The following SLC30A8 variants were observed in gnomAD, a reference collection of about 807,000 sequenced individuals.
SLC30A8 encodes proton-coupled zinc antiporter SLC30A8.
Under a neutral mutation model 36.9 loss-of-function variants are expected in SLC30A8, and 27 were observed. The ratio of observed to expected loss-of-function variants is 0.73; its 90% confidence interval spans 0.54 to 1.01. The LOEUF is 1.01. Ranked by LOEUF, SLC30A8 falls within the 50% of genes least tolerant of loss-of-function variation. SLC30A8 has a pLI of 0.00. For synonymous variants in SLC30A8, 164 were observed against 172.4 expected (o/e 0.95, Z 0.38); for missense variants, 439 against 452.0 (o/e 0.97, Z 0.26).
At chr8:117,067,194 G>A (rs1216608852) in intron 2 of SLC30A8, among the ~76,000 whole-genome samples, 1 of 152,046 alleles carries the variant, frequency 6.6e-6, no homozygotes. Context: ...CCTCCCACCA[G>A]GTCCCTCTCA....
At chr8:117,158,621 A>G (rs1237322476) in intron 4 of SLC30A8, among the ~76,000 whole-genome samples, 2 of 152,250 alleles carry the variant, frequency 1.3e-5, no homozygotes, top group African/African-American at 4.8e-5. Flanking sequence ...GGAGATGAGC[A>G]TATGTCCCTT....
rs1430961885 is a variant in SLC30A8 at position 117,147,064 on chromosome 8, A to G, written c.182A>G (p.Glu61Gly). ...YHCHSGSKPT[E>G]KGANEYAYAK... is the part of the protein sequence containing the mutation. Reference sequence around the variant, plus strand: ...TGCCACAGTGGCTCCAAGCCCACAGAAAAGGGGGCGAATGAGTACGCCTAT... The same window carrying G: ...TGCCACAGTGGCTCCAAGCCCACAGGAAAGGGGGCGAATGAGTACGCCTAT... The change falls in exon 2 of 8, where the codon GAA (glutamate) becomes GGA (glycine). Residue 61 changes from glutamate (E) to glycine (G), a missense_variant. Transcript: ENST00000456015. 4 of 1,614,148 alleles carry G rather than the reference A, an allele frequency of 2.5e-6. No individual in the cohort carries two copies. Among genetic ancestry groups the G allele is most frequent in the Non-Finnish European group, 3.4e-6 (4 of 1,180,008 alleles).
At chr8:117,070,136 G>A (rs1158681746) in intron 2 of SLC30A8, among the ~76,000 whole-genome samples, 1 of 152,132 alleles carries the variant, frequency 6.6e-6, no homozygotes, top group Non-Finnish European at 1.5e-5. Flanking sequence ...CTCTTATGGA[G>A]TCCATATCTG....
chr8:117,166,991 G>A (rs1179461524), intron 6 of SLC30A8, among the ~76,000 whole-genome samples: 1 of 151,846 alleles, frequency 6.6e-6, no homozygotes, highest in East Asian at 1.9e-4. Context: ...TGAATTTTCT[G>A]TCTCTAAACA....
chr8:116,977,730 T>C (rs1381651816), intron 1 of SLC30A8, among the ~76,000 whole-genome samples: 1 of 152,038 alleles, frequency 6.6e-6, no homozygotes, highest in Non-Finnish European at 1.5e-5. Flanking sequence ...CAAGATGGTC[T>C]CAATCTCTTG....
chr8:116,996,037 G>T (rs1221650238), intron 1 of SLC30A8, among the ~76,000 whole-genome samples: 2 of 152,154 alleles, frequency 1.3e-5, no homozygotes, highest in African/African-American at 4.8e-5. Context: ...TCTGCCCATT[G>T]CATCCTTGCA....
chr8:117,174,101 G>A lies in SLC30A8; in HGVS notation c.*1420G>A, dbSNP rs778878714. The A allele has an allele frequency of 2.6e-5, 4 of 152,074 alleles. No homozygotes were observed. The highest frequency in any genetic ancestry group is 5.9e-5 in the Non-Finnish European group (4 of 68,010). 9.4% of individuals were successfully genotyped at this position (152,074 alleles called of 1,614,324 possible). A position where few individuals can be genotyped will look rare whatever the true frequency, so the allele number is the denominator to read the frequency against. On this transcript the variant is annotated 3_prime_UTR_variant, in exon 8 of 8. Coordinates refer to ENST00000456015, the MANE Select transcript of SLC30A8 (RefSeq NM_173851.3). The stretch of plus-strand genomic sequence containing the variant: ...ACATGATGCAAAGAAACCTCTCCAC[G>A]CTGTGATTTTTAAAACTACATACTT...
At chr8:117,056,761 A>C (rs1586451853) in intron 2 of SLC30A8, among the ~76,000 whole-genome samples, 1 of 152,116 alleles carries the variant, frequency 6.6e-6, no homozygotes, top group Admixed American at 6.5e-5. Context: ...TTATGCTTTC[A>C]TGGTCTTTTT....
chr8:117,075,199 C>T (rs192553803), intron 2 of SLC30A8, among the ~76,000 whole-genome samples: 1 of 151,598 alleles, frequency 6.6e-6, no homozygotes, highest in African/African-American at 2.4e-5. Context: ...AGTAAACAAG[C>T]TTGCAGTAAC....
chr8:116,960,827 C>T (rs534795781), intron 1 of SLC30A8, among the ~76,000 whole-genome samples: 1 of 152,266 alleles, frequency 6.6e-6, no homozygotes, highest in African/African-American at 2.4e-5. Flanking sequence ...TTTAACAAGA[C>T]TGTAATATGA....
At chr8:117,003,886 C>T (rs1040683569) in intron 1 of SLC30A8, among the ~76,000 whole-genome samples, 2 of 152,166 alleles carry the variant, frequency 1.3e-5, no homozygotes, top group African/African-American at 4.8e-5. Flanking sequence ...TTATCCTCTA[C>T]AAGTCTTTTC....
At chr8:117,077,869 C>A (rs555096300) in intron 2 of SLC30A8, among the ~76,000 whole-genome samples, 104 of 152,228 alleles carry the variant, frequency 6.8e-4, no homozygotes, top group African/African-American at 2.3e-3. Flanking sequence ...GTTAAGAAGA[C>A]CTAAAGTAAA....
At chr8:116,957,509 G>C (rs879592656) in intron 1 of SLC30A8, among the ~76,000 whole-genome samples, 9 of 152,140 alleles carry the variant, frequency 5.9e-5, no homozygotes, top group Admixed American at 1.3e-4. Flanking sequence ...GACCTCAAGT[G>C]ATCTACCTGC....
chr8:117,075,365 A>G (rs1022656280), intron 2 of SLC30A8, among the ~76,000 whole-genome samples: 1 of 152,220 alleles, frequency 6.6e-6, no homozygotes, highest in African/African-American at 2.4e-5. Flanking sequence ...TAACTTTTCA[A>G]TATACTTGAC....
intron 1 of SLC30A8, among the ~76,000 whole-genome samples, chr8:117,138,074 A>G (rs947081807): frequency 6.7e-5 from 10 of 149,824 alleles, no homozygotes; most frequent in African/African-American, 2.2e-4. Flanking sequence ...AAAAAAAAAA[A>G]AAAAAAGAAA....
rs2129684212 is a variant in SLC30A8, at chr8:117,163,409, C to T, written c.724-16C>T. 1.3e-6 allele frequency: 2 copies of T among 1,593,004 alleles called. No homozygotes were observed. The highest frequency in any genetic ancestry group is 4.5e-5 in the East Asian group (2 of 44,622). The stretch of plus-strand genomic sequence containing the variant: ...GTATGAATTCAGTTAACCAAAATCC[C>T]TGTTTTTTTTTCTAGCCAGAGTATA... On this transcript the variant is annotated splice_polypyrimidine_tract_variant and intron_variant, in intron 5 of 7. Coordinates refer to ENST00000456015, the MANE Select transcript of SLC30A8 (RefSeq NM_173851.3).
At chr8:117,123,053 AATTAAT>A (rs1444709308) in intron 2 of SLC30A8, among the ~76,000 whole-genome samples, 1 of 151,920 alleles carries the variant, frequency 6.6e-6, no homozygotes, top group African/African-American at 2.4e-5. Flanking sequence ...CTAGGAACAT[AATTAAT>A]ATTTGTTGAA....
chr8:117,079,316 C>T (rs1008171891), intron 2 of SLC30A8, among the ~76,000 whole-genome samples: 3 of 152,126 alleles, frequency 2.0e-5, no homozygotes, highest in Non-Finnish European at 4.4e-5. Context: ...AGCCTGAATT[C>T]TCTTCCTTTT....
chr8:117,093,401 G>A (rs1268007021), intron 2 of SLC30A8, among the ~76,000 whole-genome samples: 4 of 151,618 alleles, frequency 2.6e-5, no homozygotes, highest in Non-Finnish European at 4.4e-5. Flanking sequence ...TAATAAGAAT[G>A]GGTACACATT....
Sources: gnomAD v4.1 joint callset for allele counts (sites outside exome capture counted in the v4.1 genomes callset) on GRCh38, gnomAD v4.1.1 for gene constraint, MANE v1.5 for transcripts, NCBI Gene and HGNC (gene_info 2026-07-23, HGNC 2026-07-21) for gene names.